Variants in C3orf20 observed in about 807,000 individuals in gnomAD.
The protein encoded by C3orf20 is uncharacterized protein C3orf20.
In C3orf20, 76 loss-of-function variants were observed where a neutral mutation model predicts 88.3. The ratio of observed to expected loss-of-function variants is 0.86; its 90% CI spans 0.72 to 1.04. C3orf20 has a LOEUF of 1.04. C3orf20 is among the 50% of genes least tolerant of loss of function. C3orf20 has a pLI of 0.00. For synonymous variants in C3orf20, 436 were observed against 437.4 expected (o/e 1.00, Z 0.04); for missense variants, 1,056 against 1,123.3 (o/e 0.94, Z 0.86).
intron 7 of C3orf20, among the ~76,000 whole-genome samples, chr3:14,707,117 C>T (rs1348359203): frequency 6.6e-6 from 1 of 151,710 alleles, no homozygotes; most frequent in East Asian, 1.9e-4. Flanking sequence ...GGTGTGGTGG[C>T]GGGCGCCTGT....
intron 4 of C3orf20, among the ~76,000 whole-genome samples, chr3:14,686,180 G>C (rs2032419949): frequency 9.6e-6 from 1 of 104,390 alleles, no homozygotes; most frequent in Non-Finnish European, 2.1e-5. Context: ...TTTTTTAATA[G>C]CTGAATCATA....
chr3:14,760,139 A>G, intron 14 of C3orf20, 141 bp downstream of exon 14: 1 of 695,630 alleles, frequency 1.4e-6, no homozygotes, highest in Non-Finnish European at 2.5e-6. Context: ...ACCGTGGCTG[A>G]GGCCCAGAGA....
chr3:14,714,070 C>G lies in C3orf20; in HGVS notation c.1224C>G (p.Thr408=), dbSNP rs1372641545. ...CATGCTGCAGAGGGAGAACCATCAC[C>G]TGCCTCTTTAATGACATACCTGGAT... ...IPTCCRGRTI[T]CLFNDIPGFS... is the part of the protein sequence containing the mutation. Residue 408 remains threonine (T), a synonymous_variant, in exon 8 of 17, where the codon ACC becomes ACG. Transcript: ENST00000253697. 11 of 1,614,112 alleles carry G rather than the reference C, an allele frequency of 6.8e-6. No individual in the cohort carries two copies. The highest frequency in any genetic ancestry group is 9.3e-6 in the Non-Finnish European group (11 of 1,180,006).
chr3:14,748,392 A>T (rs1373269795), intron 12 of C3orf20, among the ~76,000 whole-genome samples: 1 of 152,120 alleles, frequency 6.6e-6, no homozygotes, highest in African/African-American at 2.4e-5. Context: ...TCTGCTCTAT[A>T]CAGAGAACCA....
At chr3:14,748,170 T>A (rs1265304317) in intron 12 of C3orf20, among the ~76,000 whole-genome samples, 1 of 152,098 alleles carries the variant, frequency 6.6e-6, no homozygotes, top group African/African-American at 2.4e-5. Flanking sequence ...TTATTCAGAT[T>A]ATATATTTCT....
chr3:14,738,827 T>G (rs1049019444), intron 12 of C3orf20, among the ~76,000 whole-genome samples: 10 of 146,940 alleles, frequency 6.8e-5, no homozygotes, highest in African/African-American at 2.5e-4. Context: ...TTTTTTTTTT[T>G]TTTTTTTTAG....
intron 10 of C3orf20, 103 bp from the exon 11 acceptor site, chr3:14,726,798 A>G (rs969301829): frequency 2.0e-6 from 3 of 1,527,824 alleles, no homozygotes; most frequent in South Asian, 2.4e-5. Context: ...GGGGCAGGCA[A>G]TAGCACATCC....
At chr3:14,680,998 T>C (rs1219288083) in intron 1 of C3orf20, among the ~76,000 whole-genome samples, 1 of 152,240 alleles carries the variant, frequency 6.6e-6, no homozygotes, top group Non-Finnish European at 1.5e-5. Context: ...AGCCACTATC[T>C]GCAAACCAGC....
intron 12 of C3orf20, among the ~76,000 whole-genome samples, chr3:14,735,435 T>C (rs1369500219): frequency 1.3e-5 from 2 of 152,154 alleles, no homozygotes; most frequent in East Asian, 3.8e-4. Context: ...AAATCCATGA[T>C]TAATTACTAA....
intron 12 of C3orf20, among the ~76,000 whole-genome samples, chr3:14,754,691 A>C (rs2125026855): frequency 6.6e-6 from 1 of 151,058 alleles, no homozygotes; most frequent in African/African-American, 2.4e-5. Flanking sequence ...TGGTGGCTTC[A>C]CTCCCCTCTT....
rs376795650 is a variant in C3orf20 at position 14,761,559 on chromosome 3, C to T, written c.2439C>T (p.Phe813=). The T allele has an allele frequency of 6.2e-7, 1 of 1,614,024 alleles. No individual in the cohort carries two copies. Among genetic ancestry groups the T allele is most frequent in the Admixed American group, 1.7e-5 (1 of 60,014 alleles). The change falls in exon 15 of 17, where the codon TTC becomes TTT. Residue 813 remains phenylalanine, a synonymous_variant. Transcript: ENST00000253697. ...LSKQNLLKQI[F]RSQQDYKMGY... ...AGCAGAATCTGCTGAAACAGATCTT[C>T]CGGTCTCAACAGGATTACAAGATGG...
chr3:14,687,893 C>T (rs1045712468), intron 4 of C3orf20, among the ~76,000 whole-genome samples: 3 of 152,136 alleles, frequency 2.0e-5, no homozygotes, highest in Admixed American at 6.5e-5. Flanking sequence ...ATCTTGCTGT[C>T]CTGCTGCACC....
At position 14,689,994 on chromosome 3, in the gene C3orf20, C is replaced by T; in HGVS notation, c.626-3C>T. The T allele has an allele frequency of 6.2e-7, 1 of 1,614,162 alleles. No homozygotes were observed. The highest frequency in any genetic ancestry group is 8.5e-7 in the Non-Finnish European group (1 of 1,180,016). Reference sequence around the variant, plus strand: ...AGAAGAATCTCTCTCTCTCCCACTCCAGAGTCCCTCGCAAACATGTCCGCC... The same window carrying T: ...AGAAGAATCTCTCTCTCTCCCACTCTAGAGTCCCTCGCAAACATGTCCGCC... On this transcript the variant is annotated splice_polypyrimidine_tract_variant and splice_region_variant and intron_variant, in intron 4 of 16. Coordinates refer to ENST00000253697, the MANE Select transcript of C3orf20 (RefSeq NM_032137.5).
chr3:14,690,828 G>C lies in C3orf20; in HGVS notation c.745+712G>C, dbSNP rs147040883. On this transcript the variant is annotated intron_variant, in intron 5 of 16. Transcript: ENST00000253697. ...AGGAGAGGACCACGTTCCTGAAGGT[G>C]GTGGGAGGGTGGATGGCAGGCAGGA... Among the ~76,000 whole-genome samples the C allele has an allele frequency of 1.6e-3, 243 of 152,324 alleles. 2 individuals carry two copies. Among genetic ancestry groups the C allele is most frequent in the African/African-American group, 5.0e-3 (208 of 41,574 alleles).
intron 3 of C3orf20, among the ~76,000 whole-genome samples, chr3:14,683,875 C>CA (rs966127219): frequency 0.41 from 34,041 of 82,824 alleles, 6,104 homozygotes; most frequent in Admixed American, 0.47. Flanking sequence ...GACTCCATCT[C>CA]AAAAAAAAAA....
intron 12 of C3orf20, among the ~76,000 whole-genome samples, chr3:14,737,771 A>G (rs1268896478): frequency 6.6e-6 from 1 of 152,226 alleles, no homozygotes; most frequent in Non-Finnish European, 1.5e-5. Context: ...AATTTTGCCC[A>G]TGGAACTTTT....
At chr3:14,705,156 G>A (rs955225815) in intron 7 of C3orf20, among the ~76,000 whole-genome samples, 1 of 152,242 alleles carries the variant, frequency 6.6e-6, no homozygotes, top group Non-Finnish European at 1.5e-5. Context: ...CATGAGCATA[G>A]TGCTAGTTGT....
chr3:14,757,879 C>A (rs890859310), intron 13 of C3orf20, among the ~76,000 whole-genome samples: 1 of 152,232 alleles, frequency 6.6e-6, no homozygotes, highest in Non-Finnish European at 1.5e-5. Flanking sequence ...CCCGCTCATC[C>A]TCTAGTTCTA....
chr3:14,731,181 G>C (rs900193299), intron 12 of C3orf20, among the ~76,000 whole-genome samples: 2 of 152,088 alleles, frequency 1.3e-5, no homozygotes, highest in African/African-American at 4.8e-5. Flanking sequence ...CCACTGATCT[G>C]TTCTTTGTAG....
Sources: allele counts gnomAD v4.1 joint callset (sites outside exome capture counted in the v4.1 genomes callset), GRCh38; gene constraint gnomAD v4.1.1; transcripts MANE v1.5; gene names NCBI Gene and HGNC (gene_info 2026-07-23, HGNC 2026-07-21).